Variants in MARCHF11 observed in about 807,000 individuals in gnomAD.
MARCHF11 encodes E3 ubiquitin-protein ligase MARCHF11.
A neutral mutation model predicts 37.3 loss-of-function variants in MARCHF11; 29 were observed. That is an observed-to-expected ratio of 0.78 (90% confidence interval 0.58 to 1.06). The LOEUF (loss-of-function observed/expected upper bound fraction) is 1.06, where lower values mean the gene tolerates loss of function less well. MARCHF11 is among the 50% of genes least tolerant of loss of function. The probability of loss-of-function intolerance (pLI) is 0.00; values close to 1 mark genes in which losing one functional copy is unlikely to be tolerated. For synonymous variants in MARCHF11, 233 were observed against 228.0 expected, an observed-to-expected ratio of 1.02 and a Z score of -0.20; for missense variants, 482 against 533.4, an observed-to-expected ratio of 0.90 and a Z score of 0.95.
intron 2 of MARCHF11, among the ~76,000 whole-genome samples, chr5:16,155,788 T>C (rs897222290): frequency 4.6e-5 from 7 of 151,978 alleles, no homozygotes; most frequent in Non-Finnish European, 1.0e-4. Flanking sequence ...GCTCAATAAA[T>C]GGCAGCTATT....
At chr5:16,098,219 G>A (rs1736902097) in intron 2 of MARCHF11, among the ~76,000 whole-genome samples, 1 of 152,124 alleles carries the variant, frequency 6.6e-6, no homozygotes, top group Non-Finnish European at 1.5e-5. Context: ...TTGTGTGGAG[G>A]GGAAATGCTA....
In MARCHF11 at chr5:16,179,124, C is replaced by T; in HGVS notation, c.452G>A (p.Ser151Asn). ...TRSVCSSRSS[S>N]SGGGDQRAGH... ...AGCGCGCTGGTCGCCGCCGCCACTG[C>T]TGCTGCTGCGGCTGCTGCACACCGA... Residue 151 changes from serine (S) to asparagine (N), a missense_variant, in exon 1 of 4, where the codon AGC (serine) becomes AAC (asparagine). Coordinates refer to ENST00000332432, the MANE Select transcript of MARCHF11 (RefSeq NM_001102562.3). 1.3e-6 allele frequency: 2 copies of T among 1,491,530 alleles called. No individual in the cohort carries two copies. Among genetic ancestry groups the T allele is most frequent in the Non-Finnish European group, 1.8e-6 (2 of 1,127,606 alleles). The allele number at this position is 1,491,530 out of a possible 1,614,324, so 92.4% of individuals were successfully genotyped here.
chr5:16,092,595 A>G (rs903647792), intron 2 of MARCHF11, among the ~76,000 whole-genome samples: 2 of 152,148 alleles, frequency 1.3e-5, no homozygotes, highest in African/African-American at 4.8e-5. Flanking sequence ...GGGTGGGGAA[A>G]AAGGGGAGGG....
chr5:16,165,639 A>G lies in MARCHF11; in HGVS notation c.693+12087T>C, dbSNP rs538475056. ...CTGATGTTTTTCTCACGGTTAGACT[A>G]TAGTTACGGGTTTTAGAGAGGAAGA... On this transcript the variant is annotated intron_variant, in intron 2 of 3. Coordinates refer to ENST00000332432, the MANE Select transcript of MARCHF11 (RefSeq NM_001102562.3). Among the ~76,000 whole-genome samples the G allele has an allele frequency of 2.0e-4, 31 of 152,098 alleles. 1 individual carries two copies. Among genetic ancestry groups the G allele is most frequent in the Admixed American group, 5.2e-4 (8 of 15,262 alleles).
chr5:16,151,298 T>C (rs1737882727), intron 2 of MARCHF11, among the ~76,000 whole-genome samples: 1 of 152,030 alleles, frequency 6.6e-6, no homozygotes, highest in Non-Finnish European at 1.5e-5. Flanking sequence ...TCTTTTCCAA[T>C]ATTTCTCTAT....
At chr5:16,111,972 G>T (rs2126570806) in intron 2 of MARCHF11, among the ~76,000 whole-genome samples, 1 of 152,332 alleles carries the variant, frequency 6.6e-6, no homozygotes, top group African/African-American at 2.4e-5. Flanking sequence ...ACATGGCATT[G>T]AGCCTGCAGG....
intron 2 of MARCHF11, among the ~76,000 whole-genome samples, chr5:16,118,544 G>C (rs1283180007): frequency 6.6e-6 from 1 of 152,206 alleles, no homozygotes; most frequent in Non-Finnish European, 1.5e-5. Flanking sequence ...GACATATTCA[G>C]TTTGAAATTC....
chr5:16,148,634 G>A (rs2126596388), intron 2 of MARCHF11, among the ~76,000 whole-genome samples: 1 of 152,300 alleles, frequency 6.6e-6, no homozygotes, highest in African/African-American at 2.4e-5. Flanking sequence ...GCCAGCTAGT[G>A]CAAAAGCAGA....
intron 3 of MARCHF11, among the ~76,000 whole-genome samples, chr5:16,079,977 G>C (rs1040650956): frequency 3.9e-5 from 6 of 152,060 alleles, no homozygotes; most frequent in African/African-American, 1.4e-4. Context: ...TCTTTCTTCT[G>C]ATTTCTTCTG....
intron 2 of MARCHF11, among the ~76,000 whole-genome samples, chr5:16,119,760 A>G (rs116128343): frequency 0.011 from 1,676 of 152,266 alleles, 11 homozygotes; most frequent in Non-Finnish European, 0.017. Context: ...ACCATTTAAG[A>G]GCCCTCAAAT....
intron 2 of MARCHF11, among the ~76,000 whole-genome samples, chr5:16,125,403 G>C (rs866594207): frequency 1.3e-5 from 2 of 152,004 alleles, no homozygotes; most frequent in Non-Finnish European, 1.5e-5. Context: ...TCATTATCCT[G>C]GAACTCTCTA....
intron 2 of MARCHF11, among the ~76,000 whole-genome samples, chr5:16,117,931 C>T (rs1014115551): frequency 6.6e-6 from 1 of 152,172 alleles, no homozygotes; most frequent in Non-Finnish European, 1.5e-5. Flanking sequence ...TGCTACTCTA[C>T]ATCGTGACAA....
chr5:16,080,983 T>C, intron 3 of MARCHF11, among the ~76,000 whole-genome samples: 1 of 152,144 alleles, frequency 6.6e-6, no homozygotes, highest in Non-Finnish European at 1.5e-5. Context: ...CAAACATCTT[T>C]TGTTCTTCCC....
chr5:16,150,776 C>T (rs1316919691), intron 2 of MARCHF11, among the ~76,000 whole-genome samples: 1 of 151,992 alleles, frequency 6.6e-6, no homozygotes, highest in Non-Finnish European at 1.5e-5. Context: ...GGTGCATTTT[C>T]CACACTGGAT....
At chr5:16,145,699 T>C (rs543182616) in intron 2 of MARCHF11, among the ~76,000 whole-genome samples, 1 of 151,758 alleles carries the variant, frequency 6.6e-6, no homozygotes, top group Non-Finnish European at 1.5e-5. Context: ...AAAATATAAA[T>C]AAACAATGTC....
intron 3 of MARCHF11, among the ~76,000 whole-genome samples, chr5:16,085,690 C>T (rs982477789): frequency 1.4e-4 from 21 of 152,038 alleles, no homozygotes; most frequent in Admixed American, 4.6e-4. Context: ...CAGTGGCTCA[C>T]GCCTGTAATG....
At chr5:16,090,465 G>T (rs1263764322) in intron 3 of MARCHF11, among the ~76,000 whole-genome samples, 2 of 152,088 alleles carry the variant, frequency 1.3e-5, no homozygotes, top group Admixed American at 6.6e-5. Flanking sequence ...TCATCATGAT[G>T]TAAGACATCG....
chr5:16,118,206 G>A (rs1450885114), intron 2 of MARCHF11, among the ~76,000 whole-genome samples: 1 of 152,238 alleles, frequency 6.6e-6, no homozygotes. Flanking sequence ...GCTTGAAGCA[G>A]TAAGCATGGC....
chr5:16,133,872 C>T (rs1195416716), intron 2 of MARCHF11, among the ~76,000 whole-genome samples: 4 of 152,012 alleles, frequency 2.6e-5, no homozygotes, highest in Non-Finnish European at 4.4e-5. Flanking sequence ...CAAAGCTGCT[C>T]TGGGCTGCTT....
Sources: allele counts gnomAD v4.1 joint callset (sites outside exome capture counted in the v4.1 genomes callset), GRCh38; gene constraint gnomAD v4.1.1; transcripts MANE v1.5; gene names NCBI Gene and HGNC (gene_info 2026-07-23, HGNC 2026-07-21).